TBC1D22A: variants seen among roughly 807,000 people sequenced by gnomAD.
TBC1D22A encodes the protein putative GTPase activator.
TBC1D22A carries 38 observed loss-of-function variants against 60.2 expected under a neutral mutation model. That is an observed-to-expected ratio of 0.63 (90% CI 0.49 to 0.83). The LOEUF is 0.83. Ranked by LOEUF, TBC1D22A falls within the 40% of genes least tolerant of loss-of-function variation. TBC1D22A has a pLI of 0.00. For missense variants in TBC1D22A, 628 were observed against 701.0 expected (o/e 0.90, Z 1.18); for synonymous variants, 302 against 281.7 (o/e 1.07, Z -0.72).
At chr22:46,971,673 C>T (rs1046211032) in intron 8 of TBC1D22A, among the ~76,000 whole-genome samples, 1 of 152,236 alleles carries the variant, frequency 6.6e-6, no homozygotes, top group Non-Finnish European at 1.5e-5. Flanking sequence ...CGAGGCAGGC[C>T]TGTCCTGCTC....
chr22:47,129,916 T>A (rs927514968), intron 12 of TBC1D22A, among the ~76,000 whole-genome samples: 5 of 152,234 alleles, frequency 3.3e-5, no homozygotes, highest in African/African-American at 1.2e-4. Flanking sequence ...TCTTAATTTC[T>A]GAGGTTTAGA....
intron 7 of TBC1D22A, among the ~76,000 whole-genome samples, chr22:46,902,227 G>C (rs1268408480): frequency 2.0e-5 from 3 of 152,258 alleles, no homozygotes; most frequent in African/African-American, 7.2e-5. Flanking sequence ...GATTTCTGAA[G>C]TTTGGCAAGC....
chr22:47,111,970 A>G (rs911430189), intron 12 of TBC1D22A, among the ~76,000 whole-genome samples: 2 of 152,164 alleles, frequency 1.3e-5, no homozygotes, highest in East Asian at 1.9e-4. Context: ...TGCTTTAGGG[A>G]CAGGGCTGGG....
At chr22:47,076,382 C>CATATAT (rs1569422660) in intron 11 of TBC1D22A, among the ~76,000 whole-genome samples, 2 of 105,512 alleles carry the variant, frequency 1.9e-5, no homozygotes, top group Non-Finnish European at 3.8e-5. Flanking sequence ...TATATATATA[C>CATATAT]ACACACACAC....
intron 4 of TBC1D22A, among the ~76,000 whole-genome samples, chr22:46,808,399 G>A (rs1017828363): frequency 6.6e-6 from 1 of 152,076 alleles, no homozygotes; most frequent in Non-Finnish European, 1.5e-5. Flanking sequence ...ATGCAGTAGG[G>A]ATGGGAGGTG....
intron 8 of TBC1D22A, among the ~76,000 whole-genome samples, chr22:46,952,955 C>T (rs543199237): frequency 3.9e-5 from 6 of 152,266 alleles, no homozygotes; most frequent in Non-Finnish European, 8.8e-5. Flanking sequence ...TCTTAGCAGC[C>T]GAGGTCTGTG....
At chr22:46,854,349 T>C (rs1331472514) in intron 4 of TBC1D22A, among the ~76,000 whole-genome samples, 2 of 152,108 alleles carry the variant, frequency 1.3e-5, no homozygotes, top group African/African-American at 2.4e-5. Context: ...CAGACACTGC[T>C]CCACAGTGTC....
chr22:46,924,427 A>T (rs1262075814), intron 8 of TBC1D22A, among the ~76,000 whole-genome samples: 1 of 152,228 alleles, frequency 6.6e-6, no homozygotes, highest in African/African-American at 2.4e-5. Context: ...GTGCAATGGG[A>T]TTAGAATAAA....
At chr22:47,143,146 G>A (rs892225137) in intron 12 of TBC1D22A, among the ~76,000 whole-genome samples, 2 of 151,844 alleles carry the variant, frequency 1.3e-5, no homozygotes, top group African/African-American at 2.4e-5. Flanking sequence ...GGAAGCCCCC[G>A]TCTCTCTCTC....
chr22:46,844,759 T>C (rs77908988), intron 4 of TBC1D22A, among the ~76,000 whole-genome samples: 1,713 of 152,292 alleles, frequency 0.011, 48 homozygotes, highest in African/African-American at 0.039. Flanking sequence ...TCATAGCAGT[T>C]GACGGTCTGA....
chr22:47,150,222 C>T (rs572497853), intron 12 of TBC1D22A, among the ~76,000 whole-genome samples: 1 of 152,260 alleles, frequency 6.6e-6, no homozygotes, highest in Non-Finnish European at 1.5e-5. Context: ...CGGAGCACCG[C>T]CACGCCCATT....
intron 11 of TBC1D22A, among the ~76,000 whole-genome samples, chr22:47,057,106 AT>A (rs1385956276): frequency 2.0e-5 from 3 of 152,206 alleles, no homozygotes; most frequent in African/African-American, 7.2e-5. Flanking sequence ...GTCAGGCTGA[AT>A]GCAGTGTTGT....
intron 4 of TBC1D22A, among the ~76,000 whole-genome samples, chr22:46,827,307 G>A (rs917777794): frequency 3.3e-5 from 5 of 152,220 alleles, no homozygotes; most frequent in African/African-American, 7.2e-5. Flanking sequence ...CCGAGTCGGC[G>A]TTCCTGAGCT....
chr22:47,163,255 T>C (rs1320203873), intron 12 of TBC1D22A, among the ~76,000 whole-genome samples: 1 of 152,238 alleles, frequency 6.6e-6, no homozygotes, highest in Non-Finnish European at 1.5e-5. Context: ...CCCCTCTTTG[T>C]CTGGCATCCA....
At chr22:46,833,347 A>G (rs2147168258) in intron 4 of TBC1D22A, among the ~76,000 whole-genome samples, 3 of 152,294 alleles carry the variant, frequency 2.0e-5, no homozygotes, top group East Asian at 1.9e-4. Context: ...GGGATGCTCA[A>G]TTAGACCAGC....
At chr22:47,091,459 A>ACGAGAAGT (rs2064969651) in intron 11 of TBC1D22A, among the ~76,000 whole-genome samples, 1 of 146,736 alleles carries the variant, frequency 6.8e-6, no homozygotes, top group Non-Finnish European at 1.5e-5. Flanking sequence ...AGAGACAGGC[A>ACGAGAAGT]CGAGAAGTCG....
chr22:47,172,782 T>G (rs2068536174), intron 12 of TBC1D22A, among the ~76,000 whole-genome samples: 1 of 152,234 alleles, frequency 6.6e-6, no homozygotes, highest in African/African-American at 2.4e-5. Context: ...AGGTTGGACC[T>G]AGACCTGAAG....
intron 12 of TBC1D22A, among the ~76,000 whole-genome samples, chr22:47,126,241 C>G (rs2066452471): frequency 6.6e-6 from 1 of 152,220 alleles, no homozygotes; most frequent in African/African-American, 2.4e-5. Context: ...CTTGGCCTCC[C>G]AAAGTGCTGG....
chr22:46,894,636 G>T, intron 6 of TBC1D22A, 148 bp from the exon 7 acceptor site: 1 of 899,608 alleles, frequency 1.1e-6, no homozygotes, highest in South Asian at 1.5e-5. Flanking sequence ...AGGGGAGAAG[G>T]TGGTAACATG....
Sources: gnomAD v4.1 joint callset for allele counts (sites outside exome capture counted in the v4.1 genomes callset) on GRCh38, gnomAD v4.1.1 for gene constraint, MANE v1.5 for transcripts, NCBI Gene and HGNC (gene_info 2026-07-23, HGNC 2026-07-21) for gene names.